Variants in MCU observed in about 807,000 individuals in gnomAD.
MCU encodes the protein mitochondrial calcium uniporter.
In MCU, 12 loss-of-function variants were observed where a neutral mutation model predicts 45.2. The observed-to-expected ratio is 0.27, with a 90% CI of 0.17 to 0.43. The LOEUF (loss-of-function observed/expected upper bound fraction) is 0.43. Among genes scored for constraint, MCU ranks in the 20% least tolerant of loss-of-function variants. The probability of loss-of-function intolerance (pLI) is 1.00; values close to 1 mark genes in which losing one functional copy is unlikely to be tolerated. For missense variants in MCU, 324 were observed against 436.7 expected (o/e 0.74, Z 2.30); for synonymous variants, 160 against 165.1 (o/e 0.97, Z 0.24).
rs1170462418 is a variant in MCU, at chr10:72,887,231, AT to A, written c.*1410del. The A allele has an allele frequency of 1.3e-5, 2 of 152,642 alleles. No homozygotes were observed. Among genetic ancestry groups the A allele is most frequent in the Non-Finnish European group, 2.9e-5 (2 of 68,022 alleles). The allele number at this position is 152,642 out of a possible 1,614,324, so 9.5% of individuals were successfully genotyped here. A position where few individuals can be genotyped will look rare whatever the true frequency, so the allele number is the denominator to read the frequency against. On this transcript the variant is annotated 3_prime_UTR_variant, in exon 8 of 8. Transcript: ENST00000373053. ...TCTTCCTCCTTTGGGATCATTGTGT[AT>A]GAAAAGAAAAACTTTAAATGACAAA...
rs60307111 is a variant in MCU, at chr10:72,714,787, GC to G, written c.150+22494del. On this transcript the variant is annotated intron_variant, in intron 1 of 7. Transcript: ENST00000373053. ...TTGAATTCCCAACTTCAGGTGATCT[GC>G]CCCCCCCTTGGCCTCCCAAAGTGCT... Among the ~76,000 whole-genome samples the G allele has an allele frequency of 1.2e-3, 186 of 150,862 alleles. 1 individual carries two copies. The highest frequency in any genetic ancestry group is 6.3e-3 in the South Asian group (30 of 4,744).
chr10:72,818,033 G>A (rs142496595), intron 1 of MCU, among the ~76,000 whole-genome samples: 1,683 of 152,238 alleles, frequency 0.011, 26 homozygotes, highest in African/African-American at 0.038. Context: ...TTGAAAATAA[G>A]CAAAATTGAC....
rs147667372 is a variant in MCU at position 72,834,379 on chromosome 10, C to T, written c.171C>T (p.Ser57=). ...HHRTVHQRIA[S]WQNLGAVYCS... is the part of the protein sequence containing the mutation. Reference sequence around the variant, plus strand: ...TCTAGGTACACCAGAGGATCGCTTCCTGGCAGAATTTGGGAGCTGTTTATT... The same window carrying T: ...TCTAGGTACACCAGAGGATCGCTTCTTGGCAGAATTTGGGAGCTGTTTATT... The change falls in exon 2 of 8, where the codon TCC becomes TCT. Residue 57 remains serine (S), a synonymous_variant. Coordinates refer to ENST00000373053, the MANE Select transcript of MCU (RefSeq NM_138357.3). 7.6e-3 allele frequency: 12,273 copies of T among 1,613,688 alleles called. 65 individuals carry two copies. Among genetic ancestry groups the T allele is most frequent in the Middle Eastern group, 9.6e-3 (58 of 6,062 alleles).
intron 1 of MCU, among the ~76,000 whole-genome samples, chr10:72,745,744 A>G (rs1248312917): frequency 6.6e-6 from 1 of 152,226 alleles, no homozygotes; most frequent in Non-Finnish European, 1.5e-5. Context: ...TATACCATAT[A>G]TCATTGCATG....
chr10:72,698,439 G>C (rs1242396587), intron 1 of MCU, among the ~76,000 whole-genome samples: 1 of 152,172 alleles, frequency 6.6e-6, no homozygotes, highest in Non-Finnish European at 1.5e-5. Context: ...AAAAATTACT[G>C]TTTGTTTTCC....
chr10:72,713,267 GGA>G (rs1842916982), intron 1 of MCU, among the ~76,000 whole-genome samples: 2 of 152,220 alleles, frequency 1.3e-5, no homozygotes, highest in Admixed American at 1.3e-4. Context: ...TCCAGTAATG[GGA>G]GAGTTTTTTT....
intron 1 of MCU, among the ~76,000 whole-genome samples, chr10:72,816,989 A>G (rs1459272365): frequency 1.3e-5 from 2 of 152,220 alleles, no homozygotes; most frequent in Admixed American, 1.3e-4. Flanking sequence ...AGTGATTTAT[A>G]ATTATGTATT....
intron 2 of MCU, among the ~76,000 whole-genome samples, chr10:72,854,771 T>G (rs114368884): frequency 0.011 from 1,692 of 152,272 alleles, 41 homozygotes; most frequent in African/African-American, 0.038. Flanking sequence ...AAATAAAGTT[T>G]GTTGGAACAC....
chr10:72,812,216 G>A (rs975903732), intron 1 of MCU, among the ~76,000 whole-genome samples: 3 of 150,858 alleles, frequency 2.0e-5, no homozygotes, highest in South Asian at 2.1e-4. Flanking sequence ...GTGTGATCTC[G>A]GCTCACTGCA....
At chr10:72,749,783 A>G (rs1843467528) in intron 1 of MCU, among the ~76,000 whole-genome samples, 1 of 151,928 alleles carries the variant, frequency 6.6e-6, no homozygotes, top group Non-Finnish European at 1.5e-5. Flanking sequence ...TTTTTTTTAA[A>G]TGAGACGGAG....
At chr10:72,800,273 A>G (rs928839895) in intron 1 of MCU, among the ~76,000 whole-genome samples, 1 of 152,228 alleles carries the variant, frequency 6.6e-6, no homozygotes, top group African/African-American at 2.4e-5. Context: ...GGTTCAGTGT[A>G]TAGACTTTGT....
intron 1 of MCU, among the ~76,000 whole-genome samples, chr10:72,763,789 A>G (rs2132726067): frequency 6.6e-6 from 1 of 152,232 alleles, no homozygotes; most frequent in Admixed American, 6.5e-5. Flanking sequence ...TAGTTCAGGT[A>G]TCTTTATATA....
intron 1 of MCU, among the ~76,000 whole-genome samples, chr10:72,724,270 T>C (rs1286750648): frequency 6.6e-6 from 1 of 152,216 alleles, no homozygotes; most frequent in East Asian, 1.9e-4. Context: ...CAATACAATG[T>C]GGTACTAAAC....
chr10:72,870,403 C>T (rs181444937), intron 5 of MCU, among the ~76,000 whole-genome samples: 2,413 of 152,182 alleles, frequency 0.016, 54 homozygotes, highest in African/African-American at 0.054. Context: ...CTCAGCCTCC[C>T]GAGTGGCTGG....
intron 2 of MCU, among the ~76,000 whole-genome samples, chr10:72,837,470 C>T (rs551009055): frequency 6.6e-6 from 1 of 152,156 alleles, no homozygotes; most frequent in African/African-American, 2.4e-5. Flanking sequence ...TCCTTATAAC[C>T]CCCGGTAAGT....
At chr10:72,744,058 A>G (rs1370253490) in intron 1 of MCU, among the ~76,000 whole-genome samples, 2 of 151,054 alleles carry the variant, frequency 1.3e-5, no homozygotes, top group African/African-American at 4.9e-5. Context: ...AAACATATAT[A>G]TGTTATTTAT....
intron 1 of MCU, among the ~76,000 whole-genome samples, chr10:72,726,010 C>T (rs894173165): frequency 6.6e-6 from 1 of 152,098 alleles, no homozygotes; most frequent in Admixed American, 6.6e-5. Flanking sequence ...ATAACCATGT[C>T]GTATATATAT....
chr10:72,850,228 T>G lies in MCU; in HGVS notation c.221-8949T>G, dbSNP rs541057262. On this transcript the variant is annotated intron_variant, in intron 2 of 7. Transcript: ENST00000373053. ...TATTCTTAGCTGCAAAAGAAGGATGTTAGTTTGTATGATCTGTCTGGCCTT... is the reference window on the plus strand; with the variant it reads ...TATTCTTAGCTGCAAAAGAAGGATGGTAGTTTGTATGATCTGTCTGGCCTT... 4.3e-4 allele frequency among the ~76,000 whole-genome samples: 66 copies of G among 152,294 alleles called. 1 individual carries two copies. The South Asian group carries it at 0.014, about 32-fold the overall frequency.
intron 1 of MCU, among the ~76,000 whole-genome samples, chr10:72,751,337 T>TC (rs1843492243): frequency 7.9e-6 from 1 of 126,312 alleles, no homozygotes; most frequent in Admixed American, 8.4e-5. Context: ...ATCTTCTTCT[T>TC]CTTCTTTTTT....
Sources: gnomAD v4.1 joint callset for allele counts (sites outside exome capture counted in the v4.1 genomes callset) on GRCh38, gnomAD v4.1.1 for gene constraint, MANE v1.5 for transcripts, NCBI Gene and HGNC (gene_info 2026-07-23, HGNC 2026-07-21) for gene names.